The following PRDM6 variants were observed in gnomAD, a reference collection of about 807,000 sequenced individuals.
PRDM6 encodes PR/SET domain 6.
Under a neutral mutation model 60.8 loss-of-function variants are expected in PRDM6, and 25 were observed. The observed-to-expected ratio is 0.41, with a 90% CI of 0.30 to 0.57. PRDM6 has a LOEUF of 0.57. Among genes scored for constraint, PRDM6 ranks in the 20% least tolerant of loss-of-function variants. The pLI, the probability that PRDM6 is intolerant of heterozygous loss-of-function variation, is 0.27. For synonymous variants in PRDM6, 407 were observed against 357.4 expected, an observed-to-expected ratio of 1.14 and a Z score of -1.57; for missense variants, 839 against 821.3, an observed-to-expected ratio of 1.02 and a Z score of -0.26.
At chr5:123,155,262 C>CTTTTTTTTT (rs759225954) in intron 3 of PRDM6, among the ~76,000 whole-genome samples, 1 of 92,738 alleles carries the variant, frequency 1.1e-5, no homozygotes, top group African/African-American at 4.1e-5. Context: ...GAGGGTCTCT[C>CTTTTTTTTT]TTTTTTTTTT....
intron 6 of PRDM6, among the ~76,000 whole-genome samples, chr5:123,176,730 AAAG>A (rs761138717): frequency 1.3e-5 from 2 of 152,158 alleles, no homozygotes; most frequent in Non-Finnish European, 2.9e-5. Flanking sequence ...TAAAAAAATT[AAAG>A]AAGATTTCCA....
At chr5:123,185,155 C>T (rs1345614866) in intron 7 of PRDM6, among the ~76,000 whole-genome samples, 1 of 152,156 alleles carries the variant, frequency 6.6e-6, no homozygotes, top group African/African-American at 2.4e-5. Flanking sequence ...TAGACATACA[C>T]TTTTGCCTTA....
intron 5 of PRDM6, among the ~76,000 whole-genome samples, chr5:123,163,579 T>C (rs1240243267): frequency 3.3e-5 from 5 of 152,144 alleles, no homozygotes; most frequent in Admixed American, 6.5e-5. Flanking sequence ...ATAAATGTAA[T>C]AGAGCTCCAA....
At chr5:123,116,162 C>G (rs186580027) in intron 3 of PRDM6, among the ~76,000 whole-genome samples, 2 of 152,266 alleles carry the variant, frequency 1.3e-5, no homozygotes, top group African/African-American at 4.8e-5. Context: ...CTCTGAAGGT[C>G]GGGTGGAGCT....
chr5:123,124,583 CTT>C (rs1470316267), intron 3 of PRDM6, among the ~76,000 whole-genome samples: 1 of 152,158 alleles, frequency 6.6e-6, no homozygotes, highest in Non-Finnish European at 1.5e-5. Context: ...AATTTAGAAA[CTT>C]TGCTGTTTTT....
At chr5:123,164,622 T>A (rs1765715051) in intron 5 of PRDM6, among the ~76,000 whole-genome samples, 1 of 152,086 alleles carries the variant, frequency 6.6e-6, no homozygotes, top group South Asian at 2.1e-4. Context: ...TCTGCAAGAC[T>A]CCAACAAGAA....
chr5:123,099,763 G>T lies in PRDM6; in HGVS notation c.702G>T (p.Pro234=). 1.3e-6 allele frequency: 2 copies of T among 1,547,002 alleles called. No homozygotes were observed. The highest frequency in any genetic ancestry group is 1.7e-6 in the Non-Finnish European group (2 of 1,145,254). Reference sequence around the variant, plus strand: ...GCAGCGCTGCGGCCGCCGCGCCCCCGCCGGAGCTGCCGGAGTGGCTGCGGG... The same window carrying T: ...GCAGCGCTGCGGCCGCCGCGCCCCCTCCGGAGCTGCCGGAGTGGCTGCGGG... ...GTSSAAAAAP[P]PELPEWLRDL... Residue 234 remains proline (P), a synonymous_variant, in exon 3 of 8, where the codon CCG becomes CCT. Transcript: ENST00000407847. The surrounding 1 kb of genome is among the most constrained non-coding windows in gnomAD (Gnocchi z 4.0).
intron 7 of PRDM6, among the ~76,000 whole-genome samples, chr5:123,180,980 G>A (rs1013854231): frequency 6.6e-6 from 1 of 152,194 alleles, no homozygotes; most frequent in Non-Finnish European, 1.5e-5. Flanking sequence ...AAGGGCTTTG[G>A]CAAGATAATG....
intron 3 of PRDM6, among the ~76,000 whole-genome samples, chr5:123,149,507 A>G (rs895912858): frequency 6.6e-6 from 1 of 152,204 alleles, no homozygotes; most frequent in African/African-American, 2.4e-5. Flanking sequence ...CTAAAGCCAC[A>G]GCTAATTAAA....
chr5:123,096,647 GA>G (rs1377637745), intron 2 of PRDM6, among the ~76,000 whole-genome samples: 1 of 152,216 alleles, frequency 6.6e-6, no homozygotes, highest in African/African-American at 2.4e-5. Context: ...AAAGTTGATT[GA>G]CTTTGTCTAG....
chr5:123,143,626 A>G (rs1025392611), intron 3 of PRDM6, among the ~76,000 whole-genome samples: 1 of 152,132 alleles, frequency 6.6e-6, no homozygotes, highest in Non-Finnish European at 1.5e-5. Context: ...GGGAGACAGC[A>G]TGGTGTCCCA....
intron 7 of PRDM6, among the ~76,000 whole-genome samples, chr5:123,182,995 A>G (rs1038470094): frequency 6.6e-6 from 1 of 152,270 alleles, no homozygotes; most frequent in Non-Finnish European, 1.5e-5. Context: ...TCTTCCAACC[A>G]TAGCTCATGG....
In PRDM6 at chr5:123,187,360, G is replaced by T. The variant is rs1766312290; in HGVS notation, c.*159G>T. 3.7e-6 allele frequency: 2 copies of T among 534,558 alleles called. No homozygotes were observed. Among genetic ancestry groups the T allele is most frequent in the Admixed American group, 2.9e-5 (1 of 34,044 alleles). The allele number at this position is 534,558 out of a possible 1,614,324, so 33.1% of individuals were successfully genotyped here. ...AAGATGTTAAGAGATATTGATCCTG[G>T]CATGGAAGTCAGACCAGGAAAGAGA... On this transcript the variant is annotated 3_prime_UTR_variant, in exon 8 of 8. Transcript: ENST00000407847.
rs139497861 is a variant in PRDM6 at position 123,160,814 on chromosome 5, C to G, written c.1153+1176C>G. 4.7e-3 allele frequency among the ~76,000 whole-genome samples: 714 copies of G among 152,296 alleles called. 7 individuals carry two copies. The highest frequency in any genetic ancestry group is 0.016 in the African/African-American group (685 of 41,568). ...TACATTCCTCTGATTTTGCAAGCTT[C>G]CACTGGAAAGTTTCTTTTCTGCAGC... On this transcript the variant is annotated intron_variant, in intron 5 of 7. Coordinates refer to ENST00000407847, the MANE Select transcript of PRDM6 (RefSeq NM_001136239.4).
intron 3 of PRDM6, among the ~76,000 whole-genome samples, chr5:123,150,264 C>G (rs564246466): frequency 6.6e-6 from 1 of 152,210 alleles, no homozygotes; most frequent in East Asian, 1.9e-4. Flanking sequence ...CACGTCATCA[C>G]AATTGTAACT....
rs752153 is a variant in PRDM6, at chr5:123,154,609, C to A, written c.901-1275C>A. 5.1e-3 allele frequency among the ~76,000 whole-genome samples: 778 copies of A among 152,260 alleles called. 5 individuals are homozygous for A. The highest frequency in any genetic ancestry group is 0.018 in the African/African-American group (748 of 41,560). The stretch of plus-strand genomic sequence containing the variant: ...CACTAAGCCCGTTTGCACCCCCTCC[C>A]CCGGAATAGAACTGCTGAGCTAAAC... On this transcript the variant is annotated intron_variant, in intron 3 of 7. Coordinates refer to ENST00000407847, the MANE Select transcript of PRDM6 (RefSeq NM_001136239.4).
intron 2 of PRDM6, among the ~76,000 whole-genome samples, chr5:123,091,790 A>G (rs1445750579): frequency 6.6e-6 from 1 of 152,236 alleles, no homozygotes; most frequent in East Asian, 1.9e-4. Context: ...TGTATGAGTA[A>G]AGTTAATTTA....
chr5:123,151,780 C>T (rs1458208628), intron 3 of PRDM6, among the ~76,000 whole-genome samples: 1 of 152,046 alleles, frequency 6.6e-6, no homozygotes, highest in Non-Finnish European at 1.5e-5. Context: ...CCCCAGCTCA[C>T]CTTGGGCCCC....
At chr5:123,089,737 C>A (rs1763760439) in intron 1 of PRDM6, among the ~76,000 whole-genome samples, 1 of 152,208 alleles carries the variant, frequency 6.6e-6, no homozygotes, top group Non-Finnish European at 1.5e-5. Flanking sequence ...CAGCGCCCTC[C>A]TGTCGGGCCC....
Sources: gnomAD v4.1 joint callset for allele counts (sites outside exome capture counted in the v4.1 genomes callset) on GRCh38, gnomAD v4.1.1 for gene constraint, Gnocchi (gnomAD v3.1) non-coding constraint, MANE v1.5 for transcripts, NCBI Gene and HGNC (gene_info 2026-07-23, HGNC 2026-07-21) for gene names.